The following PARD3 variants were observed in gnomAD, a reference collection of about 807,000 sequenced individuals.
PARD3 encodes the protein par-3 family cell polarity regulator.
In PARD3, 75 loss-of-function variants were observed where a neutral mutation model predicts 155.4. The observed-to-expected ratio is 0.48, with a 90% CI of 0.40 to 0.58. The LOEUF (loss-of-function observed/expected upper bound fraction) is 0.58, where lower values mean the gene tolerates loss of function less well. Ranked by LOEUF, PARD3 falls within the 20% of genes least tolerant of loss-of-function variation. PARD3 has a pLI of 0.00. For missense variants in PARD3, 1,642 were observed against 1,721.7 expected (o/e 0.95, Z 0.82); for synonymous variants, 576 against 610.5 (o/e 0.94, Z 0.83).
intron 23 of PARD3, among the ~76,000 whole-genome samples, chr10:34,126,490 C>G (rs1008787878): frequency 6.6e-6 from 1 of 152,292 alleles, no homozygotes; most frequent in South Asian, 2.1e-4. Flanking sequence ...GTACACACAG[C>G]TTGAAGGTGA....
chr10:34,789,328 T>C (rs992118585), intron 1 of PARD3, among the ~76,000 whole-genome samples: 8 of 152,170 alleles, frequency 5.3e-5, no homozygotes, highest in East Asian at 1.9e-4. Context: ...TTGCGAGACA[T>C]GGGAAGACAC....
At chr10:34,240,745 A>C (rs533441044) in intron 22 of PARD3, among the ~76,000 whole-genome samples, 1 of 151,740 alleles carries the variant, frequency 6.6e-6, no homozygotes, top group African/African-American at 2.4e-5. Context: ...CTTTTCCCCA[A>C]CCTCCCCCTT....
chr10:34,424,344 C>A (rs182925354), intron 5 of PARD3, among the ~76,000 whole-genome samples: 3 of 152,062 alleles, frequency 2.0e-5, no homozygotes, highest in African/African-American at 7.2e-5. Flanking sequence ...TCATAATAAT[C>A]TGTTGGAAGA....
At chr10:34,330,902 ACATGTGGCCTC>A (rs1019127671) in intron 19 of PARD3, among the ~76,000 whole-genome samples, 2 of 152,092 alleles carry the variant, frequency 1.3e-5, no homozygotes, top group African/African-American at 4.8e-5. Context: ...GTATCACAGG[ACATGTGGCCTC>A]CAAAAAACCC....
intron 5 of PARD3, among the ~76,000 whole-genome samples, chr10:34,424,983 C>T (rs893802924): frequency 2.0e-5 from 3 of 152,164 alleles, no homozygotes; most frequent in Non-Finnish European, 4.4e-5. Flanking sequence ...TTCACAGCCT[C>T]CTAGAAACCT....
In PARD3 at chr10:34,110,462, C is replaced by T. The variant is rs1306394632; in HGVS notation, c.*707G>A. The T allele has an allele frequency of 6.6e-6, 1 of 152,178 alleles. No homozygotes were observed. Among genetic ancestry groups the T allele is most frequent in the African/African-American group, 2.4e-5 (1 of 41,416 alleles). The allele number at this position is 152,178 out of a possible 1,614,324, so 9.4% of individuals were successfully genotyped here. A position where few individuals can be genotyped will look rare whatever the true frequency, so the allele number is the denominator to read the frequency against. On this transcript the variant is annotated 3_prime_UTR_variant, in exon 25 of 25. Transcript: ENST00000374788. Reference sequence around the variant, plus strand: ...CCACACAGAGCTGTGGTGACTCAACCCACGTGTCAGGAACAGGACCGAACA... The same window carrying T: ...CCACACAGAGCTGTGGTGACTCAACTCACGTGTCAGGAACAGGACCGAACA...
chr10:34,745,762 T>C (rs968786272), intron 1 of PARD3, among the ~76,000 whole-genome samples: 3 of 151,990 alleles, frequency 2.0e-5, no homozygotes, highest in Non-Finnish European at 2.9e-5. Flanking sequence ...CACGCCACTA[T>C]AGTCCATACT....
intron 20 of PARD3, among the ~76,000 whole-genome samples, chr10:34,297,332 G>C (rs766345501): frequency 1.2e-4 from 19 of 152,056 alleles, no homozygotes; most frequent in Non-Finnish European, 2.2e-4. Flanking sequence ...ATAAATAAGA[G>C]CTTAACTCTA....
intron 22 of PARD3, among the ~76,000 whole-genome samples, chr10:34,139,830 G>GATAA (rs1366372084): frequency 1.3e-5 from 2 of 152,192 alleles, no homozygotes; most frequent in African/African-American, 4.8e-5. Flanking sequence ...GCATTGGGGG[G>GATAA]ATAAATGTCA....
At chr10:34,147,903 C>T (rs1468142184) in intron 22 of PARD3, among the ~76,000 whole-genome samples, 1 of 152,056 alleles carries the variant, frequency 6.6e-6, no homozygotes, top group African/African-American at 2.4e-5. Flanking sequence ...GCAGTGCCAG[C>T]TTCTACCTGA....
At chr10:34,480,281 G>T (rs1446310769) in intron 3 of PARD3, among the ~76,000 whole-genome samples, 6 of 152,200 alleles carry the variant, frequency 3.9e-5, no homozygotes, top group African/African-American at 1.4e-4. Flanking sequence ...CTGTCACCCA[G>T]GCTGGAGTGC....
chr10:34,176,575 T>C (rs116584545), intron 22 of PARD3, among the ~76,000 whole-genome samples: 389 of 152,324 alleles, frequency 2.6e-3, no homozygotes, highest in African/African-American at 8.9e-3. Flanking sequence ...ACTTTGTCTC[T>C]GGGGCAGCTC....
chr10:34,630,398 G>A (rs2092205957), intron 2 of PARD3, among the ~76,000 whole-genome samples: 1 of 151,212 alleles, frequency 6.6e-6, no homozygotes, highest in African/African-American at 2.4e-5. Flanking sequence ...ATGGCCACAA[G>A]TCCCGACCAG....
At chr10:34,328,035 C>T (rs1331599022) in intron 19 of PARD3, among the ~76,000 whole-genome samples, 3 of 152,086 alleles carry the variant, frequency 2.0e-5, no homozygotes, top group Non-Finnish European at 2.9e-5. Flanking sequence ...GTTAGGAAGC[C>T]GAAGGAGGGC....
intron 1 of PARD3, among the ~76,000 whole-genome samples, chr10:34,811,721 T>C (rs567624855): frequency 6.6e-6 from 1 of 152,332 alleles, no homozygotes; most frequent in South Asian, 2.1e-4. Context: ...CTTATATTTT[T>C]TTCATAGAGC....
At chr10:34,229,661 C>T (rs985697587) in intron 22 of PARD3, among the ~76,000 whole-genome samples, 76 of 145,618 alleles carry the variant, frequency 5.2e-4, no homozygotes, top group Non-Finnish European at 1.0e-3. Flanking sequence ...GTTGAGGGTG[C>T]GTGTGTGTGT....
intron 7 of PARD3, among the ~76,000 whole-genome samples, 156 bp from the exon 8 acceptor site, chr10:34,384,410 C>T (rs1042468009): frequency 3.3e-5 from 5 of 152,090 alleles, no homozygotes; most frequent in African/African-American, 1.2e-4. Context: ...AGACAAAAAC[C>T]ACAACGTTAA....
intron 12 of PARD3, among the ~76,000 whole-genome samples, chr10:34,361,226 A>G (rs1345091222): frequency 1.3e-5 from 2 of 152,228 alleles, no homozygotes; most frequent in Admixed American, 6.5e-5. Flanking sequence ...CTCCAACCAC[A>G]TAACAGACAC....
At chr10:34,405,294 G>C (rs1352470683) in intron 5 of PARD3, among the ~76,000 whole-genome samples, 3 of 151,976 alleles carry the variant, frequency 2.0e-5, no homozygotes, top group Admixed American at 6.6e-5. Context: ...AAATCTTTTA[G>C]GGCAATTATG....
Sources: allele counts gnomAD v4.1 joint callset (sites outside exome capture counted in the v4.1 genomes callset), GRCh38; gene constraint gnomAD v4.1.1; transcripts MANE v1.5; gene names NCBI Gene and HGNC (gene_info 2026-07-23, HGNC 2026-07-21).